ZNF277: variants seen among roughly 807,000 people sequenced by gnomAD.
The protein encoded by ZNF277 is zinc finger protein 277, also known as nuclear receptor-interacting factor 4.
In ZNF277, 55 loss-of-function variants were observed where a neutral mutation model predicts 60.7. That is an observed-to-expected ratio of 0.91 (90% CI 0.73 to 1.13). ZNF277 has a LOEUF of 1.13. Among genes scored for constraint, ZNF277 ranks in the 50% most tolerant of loss-of-function variants. ZNF277 has a pLI of 0.00. For synonymous variants in ZNF277, 178 were observed against 179.3 expected, an observed-to-expected ratio of 0.99 and a Z score of 0.06; for missense variants, 510 against 523.0, an observed-to-expected ratio of 0.98 and a Z score of 0.24.
At chr7:112,296,383 T>C in intron 4 of ZNF277, 72 bp downstream of exon 4, 1 of 732,240 alleles carries the variant, frequency 1.4e-6, no homozygotes. Context: ...CATATTGGTT[T>C]TTTTTTTTTT....
chr7:112,339,980 T>A, intron 10 of ZNF277, 95 bp downstream of exon 10: 1 of 1,138,462 alleles, frequency 8.8e-7, no homozygotes, highest in East Asian at 2.4e-5. Flanking sequence ...GATTGGAGAG[T>A]GCACCACCAA....
At chr7:112,317,125 G>C (rs1792863062) in intron 4 of ZNF277, among the ~76,000 whole-genome samples, 1 of 151,940 alleles carries the variant, frequency 6.6e-6, no homozygotes, top group Non-Finnish European at 1.5e-5. Flanking sequence ...CGCAGGGAGG[G>C]AACATCATAC....
At chr7:112,340,733 G>T in intron 10 of ZNF277, 139 bp from the exon 11 acceptor site, 1 of 652,326 alleles carries the variant, frequency 1.5e-6, no homozygotes, top group Non-Finnish European at 2.6e-6. Flanking sequence ...TTATTATTTG[G>T]TATCTATTAT....
chr7:112,246,080 A>G (rs1392353494), intron 1 of ZNF277, among the ~76,000 whole-genome samples: 5 of 152,190 alleles, frequency 3.3e-5, no homozygotes, highest in Non-Finnish European at 5.9e-5. Flanking sequence ...TGGCCCAGGA[A>G]CTACATTGGT....
chr7:112,342,431 A>G, intron 11 of ZNF277, 130 bp from the exon 12 acceptor site: 2 of 686,822 alleles, frequency 2.9e-6, no homozygotes, highest in South Asian at 2.8e-5. Flanking sequence ...TCTCCAGTAT[A>G]GCCTTTGCAA....
chr7:112,317,775 TAGAGA>T (rs1792874234), intron 4 of ZNF277, among the ~76,000 whole-genome samples: 1 of 151,982 alleles, frequency 6.6e-6, no homozygotes, highest in Admixed American at 6.6e-5. Context: ...TTGGGAATGG[TAGAGA>T]AAAGTTATAT....
intron 4 of ZNF277, among the ~76,000 whole-genome samples, chr7:112,316,871 T>TAAA: frequency 6.6e-6 from 1 of 152,218 alleles, no homozygotes; most frequent in South Asian, 2.1e-4. Context: ...ACTGCAACAC[T>TAAA]ATTCACAACA....
chr7:112,267,527 T>G (rs572264525), intron 1 of ZNF277, among the ~76,000 whole-genome samples: 1 of 152,356 alleles, frequency 6.6e-6, no homozygotes, highest in East Asian at 1.9e-4. Flanking sequence ...GAGAAAAGAT[T>G]GGAGAATAAA....
At chr7:112,256,017 G>A (rs975805909) in intron 1 of ZNF277, among the ~76,000 whole-genome samples, 8 of 152,094 alleles carry the variant, frequency 5.3e-5, no homozygotes, top group Non-Finnish European at 1.0e-4. Flanking sequence ...ATCATTGCTT[G>A]TGTTGCTACC....
intron 1 of ZNF277, among the ~76,000 whole-genome samples, chr7:112,232,592 G>C (rs1008700033): frequency 6.6e-6 from 1 of 152,128 alleles, no homozygotes; most frequent in Non-Finnish European, 1.5e-5. Context: ...GGATTGAAAC[G>C]GTCTGCTCCC....
chr7:112,307,446 C>G (rs1792625846), intron 4 of ZNF277, among the ~76,000 whole-genome samples: 1 of 151,836 alleles, frequency 6.6e-6, no homozygotes, highest in African/African-American at 2.4e-5. Flanking sequence ...GAGACAGTCT[C>G]ACTCTGTCGC....
intron 11 of ZNF277, 60 bp from the exon 12 acceptor site, chr7:112,342,501 G>C (rs1039294959): frequency 1.5e-6 from 2 of 1,353,200 alleles, no homozygotes; most frequent in African/African-American, 3.0e-5. Context: ...TGTACATTCA[G>C]CTACCTGGAC....
chr7:112,279,717 G>A (rs1384907417), intron 1 of ZNF277, among the ~76,000 whole-genome samples: 4 of 152,016 alleles, frequency 2.6e-5, no homozygotes, highest in East Asian at 1.9e-4. Flanking sequence ...CAATTCACAC[G>A]TATTTTGTAT....
chr7:112,327,174 A>C (rs2117125359), intron 5 of ZNF277, among the ~76,000 whole-genome samples: 1 of 152,316 alleles, frequency 6.6e-6, no homozygotes, highest in Admixed American at 6.5e-5. Context: ...TTAATTTAAT[A>C]GTTTAAAGCA....
chr7:112,273,553 G>T (rs1791728493), intron 1 of ZNF277, among the ~76,000 whole-genome samples: 1 of 152,152 alleles, frequency 6.6e-6, no homozygotes. Flanking sequence ...TCTTATGAAG[G>T]TGCATTCTTT....
At chr7:112,296,917 T>A (rs1276919603) in intron 4 of ZNF277, among the ~76,000 whole-genome samples, 3,967 of 59,028 alleles carry the variant, frequency 0.067, 233 homozygotes, top group African/African-American at 0.18. Flanking sequence ...TATTTATTTT[T>A]TTTTTTTTTT....
At chr7:112,213,361 A>G (rs1821804005) in intron 1 of ZNF277, among the ~76,000 whole-genome samples, 1 of 152,084 alleles carries the variant, frequency 6.6e-6, no homozygotes, top group Non-Finnish European at 1.5e-5. Context: ...ATGGACTAAT[A>G]CATTTTGTAT....
rs75072010 is a variant in ZNF277, at chr7:112,228,789, C to A, written c.91+21982C>A. ...TACAACCCCTGAAATTTGGTCTTAT[C>A]CAAAGATCGAGAGCATAGTGGGGTA... On this transcript the variant is annotated intron_variant, in intron 1 of 11. Coordinates refer to ENST00000361822, the MANE Select transcript of ZNF277 (RefSeq NM_021994.3). 4.5e-4 allele frequency among the ~76,000 whole-genome samples: 69 copies of A among 152,106 alleles called. No individual in the cohort carries two copies. In the East Asian group the frequency reaches 0.013, roughly 29 times the overall value.
chr7:112,339,350 G>T (rs566922396), intron 9 of ZNF277, among the ~76,000 whole-genome samples: 1 of 152,080 alleles, frequency 6.6e-6, no homozygotes, highest in Admixed American at 6.5e-5. Flanking sequence ...ATGGAGTCTC[G>T]CTGTGTCACC....
Sources: allele counts gnomAD v4.1 joint callset (sites outside exome capture counted in the v4.1 genomes callset), GRCh38; gene constraint gnomAD v4.1.1; transcripts MANE v1.5; gene names NCBI Gene and HGNC (gene_info 2026-07-23, HGNC 2026-07-21).